The following TMEM248 variants were observed in gnomAD, a reference collection of about 807,000 sequenced individuals.
TMEM248 encodes the protein transmembrane protein 248, also known as UPF0458 protein C7orf42.
In TMEM248, 9 loss-of-function variants were observed where a neutral mutation model predicts 30.3. That is an observed-to-expected ratio of 0.30 (90% CI 0.18 to 0.52). The LOEUF (loss-of-function observed/expected upper bound fraction) is 0.52, where lower values mean the gene tolerates loss of function less well. Ranked by LOEUF, TMEM248 falls within the 20% of genes least tolerant of loss-of-function variation. The pLI, the probability that TMEM248 is intolerant of heterozygous loss-of-function variation, is 0.97. For synonymous variants in TMEM248, 184 were observed against 154.4 expected, an observed-to-expected ratio of 1.19 and a Z score of -1.42; for missense variants, 338 against 403.3, an observed-to-expected ratio of 0.84 and a Z score of 1.39.
chr7:66,955,441 AGG>A, intron 6 of TMEM248, 59 bp from the exon 7 acceptor site: 1 of 1,606,150 alleles, frequency 6.2e-7, no homozygotes, highest in Non-Finnish European at 8.5e-7. Context: ...GTCTTTGGGT[AGG>A]GGCTGAGTTA....
chr7:66,949,598 T>C (rs1379604209), intron 4 of TMEM248, among the ~76,000 whole-genome samples: 2 of 24,106 alleles, frequency 8.3e-5, no homozygotes, highest in South Asian at 2.3e-3. Context: ...TCAAAACTTA[T>C]TTTCTGTTAA....
chr7:66,931,792 C>CTTTT lies in TMEM248; in HGVS notation c.-18-10029_-18-10026dup, dbSNP rs1156882038. On this transcript the variant is annotated intron_variant, in intron 1 of 6. Coordinates refer to ENST00000341567, the MANE Select transcript of TMEM248 (RefSeq NM_017994.5). ...TGTGCCCAACCAGGAGGCCTTCCTC[C>CTTTT]TTTTTTTTTTTTTTTTTTTTTTTTT... Among the ~76,000 whole-genome samples the CTTTT allele has an allele frequency of 5.4e-4, 48 of 88,458 alleles. 4 individuals are homozygous for CTTTT. The highest frequency in any genetic ancestry group is 6.8e-4 in the Non-Finnish European group (32 of 47,178). 58.0% of individuals were successfully genotyped at this position (88,458 alleles called of 152,430 possible).
At chr7:66,925,247 C>T (rs1238495489) in intron 1 of TMEM248, among the ~76,000 whole-genome samples, 1 of 152,244 alleles carries the variant, frequency 6.6e-6, no homozygotes, top group African/African-American at 2.4e-5. Context: ...TCTCAAACTC[C>T]TGGGCACAAG....
intron 1 of TMEM248, among the ~76,000 whole-genome samples, chr7:66,937,007 T>A (rs774969466): frequency 2.0e-5 from 3 of 152,178 alleles, no homozygotes; most frequent in Non-Finnish European, 4.4e-5. Context: ...ATGCATTGCA[T>A]GTTGCTTTTT....
Position 66,957,151 on chromosome 7 carries a change from A to T in TMEM248, c.*1629A>T, listed in dbSNP as rs1792424990. 1 of 152,572 alleles carries T rather than the reference A, an allele frequency of 6.6e-6. No homozygotes were observed. Among genetic ancestry groups the T allele is most frequent in the Admixed American group, 6.5e-5 (1 of 15,268 alleles). The allele number at this position is 152,572 out of a possible 1,614,324, so 9.5% of individuals were successfully genotyped here. ...TCACTAATAACTTCTGTGTTCTCCC[A>T]GGCAGTGTTATAACAGAAGGGCAAT... is the stretch of plus-strand genomic sequence containing the variant. On this transcript the variant is annotated 3_prime_UTR_variant, in exon 7 of 7. Coordinates refer to ENST00000341567, the MANE Select transcript of TMEM248 (RefSeq NM_017994.5).
At chr7:66,941,759 C>T in intron 1 of TMEM248, 89 bp from the exon 2 acceptor site, 2 of 1,166,778 alleles carry the variant, frequency 1.7e-6, no homozygotes, top group East Asian at 5.0e-5. Context: ...CCACCCAGCT[C>T]ACCCCCCAAC....
chr7:66,947,487 C>G (rs1488820756), intron 3 of TMEM248, among the ~76,000 whole-genome samples: 1 of 152,054 alleles, frequency 6.6e-6, no homozygotes, highest in African/African-American at 2.4e-5. Flanking sequence ...ACTGCAACCT[C>G]TGTCTCCCGG....
intron 2 of TMEM248, among the ~76,000 whole-genome samples, chr7:66,944,103 C>CTT (rs397891070): frequency 3.4e-4 from 38 of 112,364 alleles, no homozygotes; most frequent in African/African-American, 4.0e-4. Context: ...CCTCAGATGG[C>CTT]TTTTTTTTTT....
chr7:66,930,403 A>G (rs548185570), intron 1 of TMEM248, among the ~76,000 whole-genome samples: 1 of 152,280 alleles, frequency 6.6e-6, no homozygotes, highest in South Asian at 2.1e-4. Flanking sequence ...CAGCTTTTGA[A>G]GGATCCTGAG....
In TMEM248 at chr7:66,944,973, A is replaced by G. The variant is rs1792054775; in HGVS notation, c.160-3A>G. On this transcript the variant is annotated splice_region_variant and splice_polypyrimidine_tract_variant and intron_variant, in intron 2 of 6. Coordinates refer to ENST00000341567, the MANE Select transcript of TMEM248 (RefSeq NM_017994.5). ...CATTTCTCTTTCTTTCACTTTCCCA[A>G]AGGATTGGAATACTTTTCTGCTACG... 1 of 1,612,912 alleles carries G rather than the reference A, an allele frequency of 6.2e-7. No homozygotes were observed.
intron 2 of TMEM248, among the ~76,000 whole-genome samples, chr7:66,943,859 G>A (rs568864410): frequency 4.2e-4 from 64 of 151,550 alleles, no homozygotes; most frequent in Non-Finnish European, 6.5e-4. Flanking sequence ...CTTCAGTGGC[G>A]CGATCTTGGC....
intron 6 of TMEM248, among the ~76,000 whole-genome samples, chr7:66,954,024 A>G (rs1257767860): frequency 6.9e-6 from 1 of 145,042 alleles, no homozygotes; most frequent in African/African-American, 2.6e-5. Context: ...GCTCACTGCA[A>G]CCTCTGCCTC....
intron 1 of TMEM248, among the ~76,000 whole-genome samples, chr7:66,922,801 G>C (rs934663222): frequency 1.3e-5 from 2 of 152,042 alleles, no homozygotes; most frequent in Non-Finnish European, 2.9e-5. Context: ...TGCCTCCCAG[G>C]TCCAAGCAAT....
At position 66,944,988 on chromosome 7, in the gene TMEM248, T is replaced by C. The variant is rs765409970; in HGVS notation, c.172T>C (p.Phe58Leu). 6.2e-6 allele frequency: 10 copies of C among 1,613,984 alleles called. No individual in the cohort carries two copies. The Admixed American group carries it at 1.0e-4, about 16-fold the overall frequency. ...SPEMAEDWNT[F>L]LLRFNDLDLC... ...CACTTTCCCAAAGGATTGGAATACT[T>C]TTCTGCTACGGTTCAATGATTTGGA... is the stretch of plus-strand genomic sequence containing the variant. The change falls in exon 3 of 7, where the codon TTT becomes CTT. Residue 58 changes from phenylalanine (F) to leucine (L), a missense_variant. Transcript: ENST00000341567.
chr7:66,934,601 C>A (rs1698321645), intron 1 of TMEM248, among the ~76,000 whole-genome samples: 1 of 152,150 alleles, frequency 6.6e-6, no homozygotes, highest in African/African-American at 2.4e-5. Context: ...GTGGGTATTT[C>A]TGTTGATATA....
At chr7:66,940,746 A>G (rs1791925176) in intron 1 of TMEM248, among the ~76,000 whole-genome samples, 1 of 152,198 alleles carries the variant, frequency 6.6e-6, no homozygotes, top group Non-Finnish European at 1.5e-5. Flanking sequence ...TAGAAGCCTT[A>G]GGAGCTTTTA....
chr7:66,944,038 A>G (rs1324993510), intron 2 of TMEM248, among the ~76,000 whole-genome samples: 1 of 146,162 alleles, frequency 6.8e-6, no homozygotes, highest in Non-Finnish European at 1.5e-5. Context: ...CAAGTGATCC[A>G]CCCTGCTTGG....
intron 5 of TMEM248, among the ~76,000 whole-genome samples, chr7:66,951,821 G>T (rs541792417): frequency 6.6e-6 from 1 of 151,962 alleles, no homozygotes; most frequent in East Asian, 1.9e-4. Flanking sequence ...TCACCATGCC[G>T]GGATAATTTT....
chr7:66,956,608 A>AGG lies in TMEM248; in HGVS notation c.*1086_*1087insGG, dbSNP rs1390799935. ...TAAAATTACGAAAACGATGCCTGCA[A>AGG]AATTTGAAGGAATGCAATTCTGATT... On this transcript the variant is annotated 3_prime_UTR_variant, in exon 7 of 7. Transcript: ENST00000341567. 5 of 152,362 alleles carry AGG rather than the reference A, an allele frequency of 3.3e-5. No homozygotes were observed. Among genetic ancestry groups the AGG allele is most frequent in the African/African-American group, 1.2e-4 (5 of 41,592 alleles). The allele number at this position is 152,362 out of a possible 1,614,324, so 9.4% of individuals were successfully genotyped here. A position where few individuals can be genotyped will look rare whatever the true frequency, so the allele number is the denominator to read the frequency against.
Sources: allele counts gnomAD v4.1 joint callset (sites outside exome capture counted in the v4.1 genomes callset), GRCh38; gene constraint gnomAD v4.1.1; transcripts MANE v1.5; gene names NCBI Gene and HGNC (gene_info 2026-07-23, HGNC 2026-07-21).